The following CLASP2 variants were observed in gnomAD, a reference collection of about 807,000 sequenced individuals.
The protein encoded by CLASP2 is cytoplasmic linker associated protein 2.
CLASP2 carries 47 observed loss-of-function variants against 194.4 expected under a neutral mutation model. That is an observed-to-expected ratio of 0.24 (90% CI 0.19 to 0.31). The LOEUF is 0.31. Among genes scored for constraint, CLASP2 ranks in the 10% least tolerant of loss-of-function variants. The pLI is 1.00. For missense variants in CLASP2, 1,445 were observed against 1,823.6 expected (o/e 0.79, Z 3.78); for synonymous variants, 619 against 633.5 (o/e 0.98, Z 0.34).
intron 8 of CLASP2, among the ~76,000 whole-genome samples, chr3:33,642,272 TAGA>T (rs962176132): frequency 6.6e-6 from 1 of 151,886 alleles, no homozygotes; most frequent in African/African-American, 2.4e-5. Flanking sequence ...ACACGGTTTA[TAGA>T]AGGAGAAAAG....
intron 21 of CLASP2, among the ~76,000 whole-genome samples, chr3:33,586,675 T>C (rs914462570): frequency 6.6e-6 from 1 of 152,154 alleles, no homozygotes; most frequent in African/African-American, 2.4e-5. Flanking sequence ...AATCTAAATG[T>C]AGATTCAGAA....
chr3:33,611,667 T>C (rs1222674461), intron 13 of CLASP2, among the ~76,000 whole-genome samples: 1 of 152,110 alleles, frequency 6.6e-6, no homozygotes, highest in East Asian at 1.9e-4. Context: ...TTCAGAGCAG[T>C]TAAATAATTG....
chr3:33,575,174 A>T (rs1377660955), intron 24 of CLASP2, among the ~76,000 whole-genome samples: 1 of 152,206 alleles, frequency 6.6e-6, no homozygotes, highest in African/African-American at 2.4e-5. Context: ...TGTTGAAGAG[A>T]ACAAAGTCCC....
chr3:33,498,747 T>C, intron 38 of CLASP2, 30 bp from the exon 39 acceptor site: 2 of 1,429,564 alleles, frequency 1.4e-6, no homozygotes, highest in South Asian at 1.2e-5. Context: ...AAATGTCATT[T>C]GAGCAAGCTG....
At chr3:33,678,341 C>A (rs1017869886) in intron 6 of CLASP2, among the ~76,000 whole-genome samples, 2 of 151,788 alleles carry the variant, frequency 1.3e-5, no homozygotes, top group African/African-American at 2.4e-5. Flanking sequence ...TATAGTAAAT[C>A]AAAAATAAAG....
In CLASP2 at chr3:33,606,557, A is replaced by AAG. The variant is rs376704477; in HGVS notation, c.1694+32_1694+33dup. 1.3e-5 allele frequency: 20 copies of AAG among 1,563,434 alleles called. No homozygotes were observed. In the African/African-American group the frequency reaches 2.7e-4, roughly 21 times the overall value. On this transcript the variant is annotated intron_variant, in intron 16 of 38. Coordinates refer to ENST00000682230, the MANE Select transcript of CLASP2 (RefSeq NM_001365631.1). ...GAAACTTCAGGGAGTTGAGGAGAGG[A>AAG]AGAGACTAGTAATCATTATTTATAT...
At chr3:33,574,293 CT>C (rs1214129711) in intron 24 of CLASP2, among the ~76,000 whole-genome samples, 3 of 152,036 alleles carry the variant, frequency 2.0e-5, no homozygotes, top group Non-Finnish European at 4.4e-5. Context: ...GAATGAGCAC[CT>C]CCAGAGGACA....
rs555646297 is a variant in CLASP2 at position 33,638,543 on chromosome 3, T to C, written c.863-6172A>G. On this transcript the variant is annotated intron_variant, in intron 8 of 38. Coordinates refer to ENST00000682230, the MANE Select transcript of CLASP2 (RefSeq NM_001365631.1). ...GGATGGTCTCGGTCTCCTGACCTTGTTAGCCGCCCGCCTAGGCCTCCCAAA... is the reference window on the plus strand; with the variant it reads ...GGATGGTCTCGGTCTCCTGACCTTGCTAGCCGCCCGCCTAGGCCTCCCAAA... Among the ~76,000 whole-genome samples, 110 of 152,300 alleles carry C rather than the reference T, an allele frequency of 7.2e-4. 1 individual carries two copies. The highest frequency in any genetic ancestry group is 5.4e-3 in the South Asian group (26 of 4,828).
At chr3:33,633,445 A>C (rs1283686313) in intron 8 of CLASP2, among the ~76,000 whole-genome samples, 1 of 152,184 alleles carries the variant, frequency 6.6e-6, no homozygotes, top group Non-Finnish European at 1.5e-5. Flanking sequence ...TCTGGGAGAA[A>C]GTTGTTTCTG....
At chr3:33,498,791 A>G in intron 38 of CLASP2, 74 bp from the exon 39 acceptor site, 2 of 867,526 alleles carry the variant, frequency 2.3e-6, no homozygotes, top group South Asian at 3.1e-5. Flanking sequence ...AAAATATTAT[A>G]TACATATATG....
At chr3:33,575,604 A>G (rs2064692155) in intron 24 of CLASP2, among the ~76,000 whole-genome samples, 2 of 152,192 alleles carry the variant, frequency 1.3e-5, no homozygotes, top group African/African-American at 2.4e-5. Flanking sequence ...TGACAAAAAC[A>G]ACGATATATG....
At chr3:33,631,787 T>C (rs2079131558) in intron 9 of CLASP2, among the ~76,000 whole-genome samples, 1 of 151,466 alleles carries the variant, frequency 6.6e-6, no homozygotes, top group African/African-American at 2.4e-5. Flanking sequence ...GTACATACAA[T>C]AGAATACCAT....
At chr3:33,708,055 T>C (rs1329904740) in intron 1 of CLASP2, among the ~76,000 whole-genome samples, 1 of 152,158 alleles carries the variant, frequency 6.6e-6, no homozygotes, top group Non-Finnish European at 1.5e-5. Flanking sequence ...TAGGGGCTCC[T>C]CCTTCCCCAT....
chr3:33,709,440 C>T (rs1288535597), intron 1 of CLASP2, among the ~76,000 whole-genome samples: 2 of 152,102 alleles, frequency 1.3e-5, no homozygotes, highest in Non-Finnish European at 2.9e-5. Flanking sequence ...TGTGGATTTA[C>T]TTGAAGGGTC....
At chr3:33,569,992 C>T (rs540095533) in intron 26 of CLASP2, among the ~76,000 whole-genome samples, 1 of 152,226 alleles carries the variant, frequency 6.6e-6, no homozygotes, top group African/African-American at 2.4e-5. Context: ...TTCCTTGCCA[C>T]ATCTCCCGCT....
Position 33,498,473 on chromosome 3 carries a change from C to A in CLASP2, c.*158G>T, listed in dbSNP as rs2046073577. The stretch of plus-strand genomic sequence containing the variant: ...AAGTTACATGCAGACTGAGGATAGT[C>A]CTCTGTTACAGAAAATACAAAACGA... On this transcript the variant is annotated 3_prime_UTR_variant, in exon 39 of 39. Transcript: ENST00000682230. The A allele has an allele frequency of 7.7e-6, 4 of 518,628 alleles. No homozygotes were observed. Among genetic ancestry groups the A allele is most frequent in the Admixed American group, 6.8e-5 (2 of 29,264 alleles). The allele number at this position is 518,628 out of a possible 1,614,324, so 32.1% of individuals were successfully genotyped here. A position where few individuals can be genotyped will look rare whatever the true frequency, so the allele number is the denominator to read the frequency against.
chr3:33,659,451 T>C (rs1458826266), intron 7 of CLASP2: 1 of 975,880 alleles, frequency 1.0e-6, no homozygotes, highest in African/African-American at 1.7e-5. Flanking sequence ...TCACATGATC[T>C]GATGGATTAA....
At position 33,529,834 on chromosome 3, in the gene CLASP2, C is replaced by T. The variant is rs901043976; in HGVS notation, c.3787+5399G>A. 9.2e-5 allele frequency among the ~76,000 whole-genome samples: 14 copies of T among 152,002 alleles called. No individual in the cohort carries two copies. The South Asian group carries it at 2.3e-3, about 25-fold the overall frequency. ...GTCTCTACTAAAAATACAAAAAAGC[C>T]GGGCGCAGTGGCGGGCGCCTGTAGT... On this transcript the variant is annotated intron_variant, in intron 34 of 38. Transcript: ENST00000682230.
At chr3:33,582,031 C>T in intron 22 of CLASP2, 103 bp from the exon 23 acceptor site, 2 of 628,986 alleles carry the variant, frequency 3.2e-6, no homozygotes, top group East Asian at 5.9e-5. Context: ...TGAACAGTAA[C>T]TTAAATTTTT....
Sources: gnomAD v4.1 joint callset for allele counts (sites outside exome capture counted in the v4.1 genomes callset) on GRCh38, gnomAD v4.1.1 for gene constraint, MANE v1.5 for transcripts, NCBI Gene and HGNC (gene_info 2026-07-23, HGNC 2026-07-21) for gene names.